Variants in IARS2 observed in about 807,000 individuals in gnomAD.
IARS2 encodes the protein isoleucyl-tRNA synthetase 2, mitochondrial, also known as isoleucine--tRNA ligase, mitochondrial.
Under a neutral mutation model 126.3 loss-of-function variants are expected in IARS2, and 56 were observed. The observed-to-expected ratio is 0.44, with a 90% confidence interval of 0.36 to 0.55. The LOEUF is 0.55. IARS2 is among the 20% of genes least tolerant of loss of function. IARS2 has a pLI of 0.00. For missense variants in IARS2, 1,127 were observed against 1,245.9 expected (o/e 0.90, Z 1.44); for synonymous variants, 407 against 441.1 (o/e 0.92, Z 0.97).
chr1:220,107,125 C>G lies in IARS2; in HGVS notation c.1301C>G (p.Ala434Gly). The change falls in exon 10 of 23, where the codon GCT becomes GGT. Residue 434 changes from alanine to glycine, a missense_variant. Physicochemically the swap from Ala to Gly is moderately conservative, Grantham distance 60 (BLOSUM62 0). Coordinates refer to ENST00000366922, the MANE Select transcript of IARS2 (RefSeq NM_018060.4). ...DVAGPELQNK[A>G]VLEEGTDVVI... The stretch of plus-strand genomic sequence containing the variant: ...GCAGGTCCTGAACTTCAAAACAAGG[C>G]TGTCCTTGAAGAGGGAACTGATGTG... The G allele has an allele frequency of 6.2e-7, 1 of 1,613,256 alleles. No homozygotes were observed. Among genetic ancestry groups the G allele is most frequent in the Middle Eastern group, 1.7e-4 (1 of 6,058 alleles).
At chr1:220,128,823 G>A (rs562122941) in intron 14 of IARS2, among the ~76,000 whole-genome samples, 3 of 152,030 alleles carry the variant, frequency 2.0e-5, no homozygotes, top group African/African-American at 4.8e-5. Flanking sequence ...TATATTTGGC[G>A]CTGTCAAGTG....
Position 220,143,070 on chromosome 1 carries a change from A to G in IARS2, c.2687A>G (p.Lys896Arg). The change falls in exon 21 of 23, where the codon AAA becomes AGA. Residue 896 changes from lysine (K) to arginine (R), a missense_variant. Lys to Arg is a conservative substitution (Grantham distance 26). Transcript: ENST00000366922. ...TCATTTCTTGGAAGCATCCCTGGCA[A>G]AAATGCAGCTGAGTACAAGGTTATC... ...RDSFLGSIPG[K>R]NAAEYKVITV... 6.2e-7 allele frequency: 1 copy of G among 1,614,216 alleles called. No individual in the cohort carries two copies. The highest frequency in any genetic ancestry group is 8.5e-7 in the Non-Finnish European group (1 of 1,180,022).
At chr1:220,119,958 T>C (rs1657004127) in intron 12 of IARS2, among the ~76,000 whole-genome samples, 1 of 152,178 alleles carries the variant, frequency 6.6e-6, no homozygotes, top group South Asian at 2.1e-4. Flanking sequence ...AAATTATCTT[T>C]TTAGATTTTG....
intron 12 of IARS2, among the ~76,000 whole-genome samples, chr1:220,116,838 C>A (rs111640861): frequency 6.6e-6 from 1 of 152,224 alleles, no homozygotes; most frequent in Non-Finnish European, 1.5e-5. Flanking sequence ...CCTCCACCTC[C>A]CAGGTTCAAG....
intron 1 of IARS2, 112 bp downstream of exon 1, chr1:220,094,595 G>C: frequency 2.3e-6 from 2 of 874,900 alleles, no homozygotes; most frequent in Non-Finnish European, 3.4e-6. Flanking sequence ...GGTGGGCGGG[G>C]GTGTGACCAG....
chr1:220,144,243 C>G lies in IARS2; in HGVS notation c.2751+1109C>G, dbSNP rs571303163. The G allele has an allele frequency of 2.3e-5, 18 of 767,750 alleles. No individual in the cohort carries two copies. The African/African-American group carries it at 2.4e-4, about 10-fold the overall frequency. 47.6% of individuals were successfully genotyped at this position (767,750 alleles called of 1,614,324 possible). On this transcript the variant is annotated intron_variant, in intron 21 of 22. Coordinates refer to ENST00000366922, the MANE Select transcript of IARS2 (RefSeq NM_018060.4). ...CATGCTTCATCATCACGGTGAGAAACAGGATGATGACTTTGGAGCACGGCC... is the reference window on the plus strand; with the variant it reads ...CATGCTTCATCATCACGGTGAGAAAGAGGATGATGACTTTGGAGCACGGCC...
chr1:220,139,784 A>G (rs1026064020), intron 18 of IARS2, among the ~76,000 whole-genome samples: 2 of 152,104 alleles, frequency 1.3e-5, no homozygotes, highest in African/African-American at 4.8e-5. Context: ...CATAATTGGA[A>G]ATGTGTTTGC....
intron 21 of IARS2, chr1:220,144,213 G>C: frequency 1.3e-6 from 1 of 774,578 alleles, no homozygotes; most frequent in Non-Finnish European, 2.3e-6. Flanking sequence ...ATTTGCCAAT[G>C]TAACCATGCT....
intron 2 of IARS2, 141 bp downstream of exon 2, chr1:220,096,367 C>A: frequency 1.6e-6 from 1 of 616,656 alleles, no homozygotes; most frequent in Non-Finnish European, 2.6e-6. Context: ...AAGCAATATA[C>A]AATTTTAGTA....
intron 12 of IARS2, among the ~76,000 whole-genome samples, chr1:220,117,580 G>A (rs989505628): frequency 6.6e-6 from 1 of 151,952 alleles, no homozygotes; most frequent in Non-Finnish European, 1.5e-5. Flanking sequence ...ATTCCTTGGT[G>A]GAATAGCCCT....
In IARS2 at chr1:220,145,734, G is replaced by A; in HGVS notation, c.2896+81G>A. ...CATCTCCAACTTTCCAGTGGACTGGGTTTATTCTAAAGGTAGATATATACT... is the reference window on the plus strand; with the variant it reads ...CATCTCCAACTTTCCAGTGGACTGGATTTATTCTAAAGGTAGATATATACT... On this transcript the variant is annotated intron_variant, in intron 22 of 22. Coordinates refer to ENST00000366922, the MANE Select transcript of IARS2 (RefSeq NM_018060.4). The A allele has an allele frequency of 3.3e-6, 4 of 1,194,874 alleles. No individual in the cohort carries two copies. The South Asian group carries it at 6.8e-5, about 20-fold the overall frequency. 74.0% of individuals were successfully genotyped at this position (1,194,874 alleles called of 1,614,324 possible).
chr1:220,103,946 AAGC>A (rs1273673616), intron 8 of IARS2, among the ~76,000 whole-genome samples: 2 of 152,234 alleles, frequency 1.3e-5, no homozygotes, highest in African/African-American at 4.8e-5. Context: ...ATTATTCAGA[AAGC>A]AGTTCTTCTA....
chr1:220,137,769 T>C, intron 16 of IARS2, 149 bp from the exon 17 acceptor site: 1 of 771,984 alleles, frequency 1.3e-6, no homozygotes, highest in Non-Finnish European at 2.0e-6. Context: ...TAATTTGAGA[T>C]TGTTAGCCCG....
chr1:220,110,770 G>A lies in IARS2; in HGVS notation c.1328-16G>A, dbSNP rs377568736. 21 of 1,243,638 alleles carry A rather than the reference G, an allele frequency of 1.7e-5. No individual in the cohort carries two copies. The African/African-American group carries it at 2.6e-4, about 16-fold the overall frequency. The allele number at this position is 1,243,638 out of a possible 1,614,324, so 77.0% of individuals were successfully genotyped here. A position where few individuals can be genotyped will look rare whatever the true frequency, so the allele number is the denominator to read the frequency against. On this transcript the variant is annotated splice_polypyrimidine_tract_variant and intron_variant, in intron 10 of 22. Coordinates refer to ENST00000366922, the MANE Select transcript of IARS2 (RefSeq NM_018060.4). The stretch of plus-strand genomic sequence containing the variant: ...ACTTTTTAATTATGTCTAATTTGGT[G>A]TTTTTTTTTTTAAAGTTATAAAGAT...
At chr1:220,142,114 G>T (rs548398260) in intron 20 of IARS2, among the ~76,000 whole-genome samples, 166 bp downstream of exon 20, 1 of 152,354 alleles carries the variant, frequency 6.6e-6, no homozygotes, top group South Asian at 2.1e-4. Flanking sequence ...TTGTAGAGGA[G>T]TAGGGTAAAT....
intron 13 of IARS2, 32 bp from the exon 14 acceptor site, chr1:220,126,718 G>A (rs938940098): frequency 6.7e-7 from 1 of 1,498,274 alleles, no homozygotes; most frequent in African/African-American, 1.4e-5. Context: ...TGATCTTTGT[G>A]TACCTGACAT....
chr1:220,102,568 C>T lies in IARS2; in HGVS notation c.823C>T (p.Leu275Phe). 6.2e-7 allele frequency: 1 copy of T among 1,613,688 alleles called. No individual in the cohort carries two copies. Among genetic ancestry groups the T allele is most frequent in the Non-Finnish European group, 8.5e-7 (1 of 1,179,724 alleles). The change falls in exon 6 of 23, where the codon CTC becomes TTC. Residue 275 changes from leucine (L) to phenylalanine (F), a missense_variant. Coordinates refer to ENST00000366922, the MANE Select transcript of IARS2 (RefSeq NM_018060.4). Reference sequence around the variant, plus strand: ...TCGTTCAATATATGTAAAATTTCCTCTCTTAAAGCCTTCTCCAAAATTGGC... The same window carrying T: ...TCGTTCAATATATGTAAAATTTCCTTTCTTAAAGCCTTCTCCAAAATTGGC... ...VSRSIYVKFP[L>F]LKPSPKLASL...
chr1:220,139,038 A>C lies in IARS2; in HGVS notation c.2206A>C (p.Asn736His). Reference protein sequence around the residue: ...LRNTLRFLLGNVADFNPETDS... With the variant: ...LRNTLRFLLGHVADFNPETDS... ...GAATACACTTCGCTTTCTTTTGGGA[A>C]ATGTGGCTGATTTCAACCCAGAAAC... The change falls in exon 18 of 23, where the codon AAT becomes CAT. Residue 736 changes from asparagine to histidine, a missense_variant. Coordinates refer to ENST00000366922, the MANE Select transcript of IARS2 (RefSeq NM_018060.4). 3 of 1,613,730 alleles carry C rather than the reference A, an allele frequency of 1.9e-6. No homozygotes were observed. The highest frequency in any genetic ancestry group is 2.5e-6 in the Non-Finnish European group (3 of 1,179,732).
At chr1:220,110,051 T>TTTTTA (rs1656765077) in intron 10 of IARS2, among the ~76,000 whole-genome samples, 1 of 152,090 alleles carries the variant, frequency 6.6e-6, no homozygotes, top group Non-Finnish European at 1.5e-5. Context: ...TGACTACTCT[T>TTTTTA]TTTTATTTTA....
Sources: allele counts gnomAD v4.1 joint callset (sites outside exome capture counted in the v4.1 genomes callset), GRCh38; gene constraint gnomAD v4.1.1; transcripts MANE v1.5; gene names NCBI Gene and HGNC (gene_info 2026-07-23, HGNC 2026-07-21).